SAMD11: variants seen among roughly 807,000 people sequenced by gnomAD.
The protein encoded by SAMD11 is sterile alpha motif domain-containing protein 11.
Under a neutral mutation model 64.4 loss-of-function variants are expected in SAMD11, and 77 were observed. That is an observed-to-expected ratio of 1.20 (90% CI 0.99 to 1.44). SAMD11 has a LOEUF of 1.44. Ranked by LOEUF, SAMD11 falls within the 40% of genes most tolerant of loss-of-function variation. The pLI, the probability that SAMD11 is intolerant of heterozygous loss-of-function variation, is 0.00. For synonymous variants in SAMD11, 658 were observed against 421.9 expected, an observed-to-expected ratio of 1.56 and a Z score of -6.86; for missense variants, 1,402 against 943.3, an observed-to-expected ratio of 1.49 and a Z score of -6.37.
At position 930,203 on chromosome 1, in the gene SAMD11, C is replaced by G. The variant is rs767794127; in HGVS notation, c.658C>G (p.Arg220Gly). 7 of 1,570,566 alleles carry G rather than the reference C, an allele frequency of 4.5e-6. No individual in the cohort carries two copies. Among genetic ancestry groups the G allele is most frequent in the Non-Finnish European group, 6.0e-6 (7 of 1,158,102 alleles). The stretch of plus-strand genomic sequence containing the variant: ...GAGGACAGTCGCCCTGCCTGCCGCC[C>G]GGAACCTGAAGAAGGAGCGAACTCC... Reference protein sequence around the residue: ...DKRTVALPAARNLKKERTPSF... With the variant: ...DKRTVALPAAGNLKKERTPSF... Residue 220 changes from arginine to glycine, a missense_variant, in exon 3 of 14, where the codon CGG (arginine) becomes GGG (glycine). Coordinates refer to ENST00000616016, the MANE Select transcript of SAMD11 (RefSeq NM_001385641.1).
chr1:935,884 C>T lies in SAMD11; in HGVS notation c.955C>T (p.Leu319=), dbSNP rs747420387. 1.9e-5 allele frequency: 31 copies of T among 1,612,024 alleles called. No individual in the cohort carries two copies. Among genetic ancestry groups the T allele is most frequent in the Non-Finnish European group, 2.5e-5 (30 of 1,179,484 alleles). ...EFQRGSLEIG[L]RPAGDLLGKR... ...CCAGAGAGGCAGCCTGGAGATTGGC[C>T]TGCGACCCGCCGGTGAGGAGCACAG... The change falls in exon 5 of 14, where the codon CTG becomes TTG. Residue 319 remains leucine, a synonymous_variant. Coordinates refer to ENST00000616016, the MANE Select transcript of SAMD11 (RefSeq NM_001385641.1).
chr1:931,581 C>A (rs1219689430), intron 4 of SAMD11, among the ~76,000 whole-genome samples: 1 of 152,120 alleles, frequency 6.6e-6, no homozygotes, highest in South Asian at 2.1e-4. Context: ...GAGGAGTGAA[C>A]CTGGCAGCTC....
Position 935,910 on chromosome 1 carries a change from G to C in SAMD11, c.967+14G>C, listed in dbSNP as rs755036895. 2 of 1,611,722 alleles carry C rather than the reference G, an allele frequency of 1.2e-6. No homozygotes were observed. Among genetic ancestry groups the C allele is most frequent in the South Asian group, 1.1e-5 (1 of 91,016 alleles). On this transcript the variant is annotated intron_variant, in intron 5 of 13. Transcript: ENST00000616016. ...TGCGACCCGCCGGTGAGGAGCACAGGGGGCCTGAGGGCGGGGTCGGGGCTG... is the reference window on the plus strand; with the variant it reads ...TGCGACCCGCCGGTGAGGAGCACAGCGGGCCTGAGGGCGGGGTCGGGGCTG...
Position 935,859 on chromosome 1 carries a change from C to T in SAMD11, c.930C>T (p.Phe310=), listed in dbSNP as rs147616064. Residue 310 remains phenylalanine, a synonymous_variant, in exon 5 of 14, where the codon TTC becomes TTT. Transcript: ENST00000616016. ...CCGAGCATCAGAGCCGCTGTGAATTCCAGAGAGGCAGCCTGGAGATTGGCC... is the reference window on the plus strand; with the variant it reads ...CCGAGCATCAGAGCCGCTGTGAATTTCAGAGAGGCAGCCTGGAGATTGGCC... The part of the protein sequence containing the change: ...VMPEHQSRCE[F]QRGSLEIGLR... The T allele has an allele frequency of 2.3e-4, 364 of 1,613,194 alleles. 1 individual carries two copies. In the African/African-American group the frequency reaches 4.4e-3, roughly 20 times the overall value.
At position 944,026 on chromosome 1, in the gene SAMD11, C is replaced by T. The variant is rs1641996088; in HGVS notation, c.2408C>T (p.Ser803Phe). 1 of 1,612,768 alleles carries T rather than the reference C, an allele frequency of 6.2e-7. No individual in the cohort carries two copies. Among genetic ancestry groups the T allele is most frequent in the Non-Finnish European group, 8.5e-7 (1 of 1,180,002 alleles). Reference sequence around the variant, plus strand: ...CTCGGCACAGGAGAGCAGCCCTTGTCCCCCACGACGGCCACGTCCCCCTAT... The same window carrying T: ...CTCGGCACAGGAGAGCAGCCCTTGTTCCCCACGACGGCCACGTCCCCCTAT... The part of the protein sequence containing the change: ...RELGTGEQPL[S>F]PTTATSPYGG... The change falls in exon 14 of 14, where the codon TCC becomes TTC. Residue 803 changes from serine to phenylalanine, a missense_variant. By Grantham distance (155) the Ser-to-Phe change is radical. Coordinates refer to ENST00000616016, the MANE Select transcript of SAMD11 (RefSeq NM_001385641.1).
In SAMD11 at chr1:942,262, G is replaced by A; in HGVS notation, c.1474+11G>A. 1 of 1,140,642 alleles carries A rather than the reference G, an allele frequency of 8.8e-7. No homozygotes were observed. The highest frequency in any genetic ancestry group is 1.2e-6 in the Non-Finnish European group (1 of 859,712). The allele number at this position is 1,140,642 out of a possible 1,614,324, so 70.7% of individuals were successfully genotyped here. On this transcript the variant is annotated intron_variant, in intron 9 of 13. Transcript: ENST00000616016. ...TGTGCCAGACCCCAGGTGAGGAGGCGGGTGCGCATCCCCTGGGAGCCCGCG... is the reference window on the plus strand; with the variant it reads ...TGTGCCAGACCCCAGGTGAGGAGGCAGGTGCGCATCCCCTGGGAGCCCGCG...
At chr1:943,185 CGACGGTCAGGA>C (rs1434401013) in intron 11 of SAMD11, 57 bp from the exon 12 acceptor site, 1 of 1,605,504 alleles carries the variant, frequency 6.2e-7, no homozygotes, top group Non-Finnish European at 8.5e-7. Context: ...TTGGGGCACA[CGACGGTCAGGA>C]GACGGGCGGG....
At chr1:925,838 C>CG in intron 1 of SAMD11, 84 bp from the exon 2 acceptor site, 1 of 969,030 alleles carries the variant, frequency 1.0e-6, no homozygotes, top group Non-Finnish European at 1.6e-6. Context: ...GTCCACGAGC[C>CG]GGGGAGGGGG....
intron 3 of SAMD11, 39 bp from the exon 4 acceptor site, chr1:931,000 C>T: frequency 6.2e-7 from 1 of 1,603,922 alleles, no homozygotes; most frequent in Non-Finnish European, 8.5e-7. Context: ...GGTCAGGGGC[C>T]TCCAGAGCAA....
At chr1:931,132 C>CCCTT (rs71576583) in intron 4 of SAMD11, 43 bp downstream of exon 4, 2 of 1,413,544 alleles carry the variant, frequency 1.4e-6, no homozygotes, top group Non-Finnish European at 1.9e-6. Flanking sequence ...GCCGTGACTC[C>CCCTT]CCTCCCTCCC....
chr1:942,324 C>A, intron 9 of SAMD11, 73 bp downstream of exon 9: 1 of 1,088,576 alleles, frequency 9.2e-7, no homozygotes, highest in Non-Finnish European at 1.2e-6. Flanking sequence ...CCTGTCGGAG[C>A]CGAGACGGAC....
rs898378523 is a variant in SAMD11, at chr1:944,521, C to A, written c.*368C>A. 4.8e-6 allele frequency: 3 copies of A among 628,288 alleles called. No individual in the cohort carries two copies. Among genetic ancestry groups the A allele is most frequent in the Non-Finnish European group, 5.4e-6 (2 of 373,112 alleles). The allele number at this position is 628,288 out of a possible 1,614,324, so 38.9% of individuals were successfully genotyped here. On this transcript the variant is annotated 3_prime_UTR_variant, in exon 14 of 14. Transcript: ENST00000616016. ...CAGCAGCCACACCAGCCCAGCCCAG[C>A]CCAGCTCTCGATACGTTTGGTCTTT...
intron 8 of SAMD11, 48 bp downstream of exon 8, chr1:941,354 C>T: frequency 6.9e-7 from 1 of 1,459,322 alleles, no homozygotes; most frequent in Non-Finnish European, 9.1e-7. Context: ...GTGCCGCCCG[C>T]ACCCCCGCGC....
intron 5 of SAMD11, among the ~76,000 whole-genome samples, chr1:936,532 G>A (rs896841944): frequency 1.3e-5 from 2 of 152,146 alleles, no homozygotes; most frequent in African/African-American, 4.8e-5. Flanking sequence ...GTTGTGGGGG[G>A]ACCAGGCCCC....
chr1:939,082 G>A lies in SAMD11; in HGVS notation c.1010G>A (p.Ser337Asn), dbSNP rs1641609231. ...AGGCTGGGCCGCTCCCCCCGTATCAGCAGCGACTGCTTTTCAGAGAAGAGG... is the reference window on the plus strand; with the variant it reads ...AGGCTGGGCCGCTCCCCCCGTATCAACAGCGACTGCTTTTCAGAGAAGAGG... ...GKRLGRSPRI[S>N]SDCFSEKRAR... Residue 337 changes from serine (S) to asparagine (N), a missense_variant, in exon 6 of 14, where the codon AGC becomes AAC. Ser to Asn is a conservative substitution (Grantham distance 46, BLOSUM62 1). Coordinates refer to ENST00000616016, the MANE Select transcript of SAMD11 (RefSeq NM_001385641.1). 3.7e-6 allele frequency: 6 copies of A among 1,605,970 alleles called. No homozygotes were observed. The highest frequency in any genetic ancestry group is 5.1e-6 in the Non-Finnish European group (6 of 1,176,606).
Position 942,619 on chromosome 1 carries a change from G to A in SAMD11, c.1614G>A (p.Leu538=), listed in dbSNP as rs989378477. The A allele has an allele frequency of 1.4e-6, 2 of 1,438,508 alleles. No homozygotes were observed. Among genetic ancestry groups the A allele is most frequent in the East Asian group, 3.1e-5 (1 of 32,624 alleles). 89.1% of individuals were successfully genotyped at this position (1,438,508 alleles called of 1,614,324 possible). Residue 538 remains leucine, a synonymous_variant, in exon 11 of 14, where the codon CTG becomes CTA. Transcript: ENST00000616016. ...AGCTGGAGAGCGCGCGCCCACAGCT[G>A]CTGGCGCCCGAGACCGCCCTGCGCC... ...QKELESARPQ[L]LAPETALRPN...
At position 939,492 on chromosome 1, in the gene SAMD11, A is replaced by G. The variant is rs992903795; in HGVS notation, c.1195+80A>G. ...ACCCACCCTGGCATGATCTCCCCTC[A>G]TCACCTCCCCAGCCACATGTACTCG... On this transcript the variant is annotated intron_variant, in intron 7 of 13. Coordinates refer to ENST00000616016, the MANE Select transcript of SAMD11 (RefSeq NM_001385641.1). The G allele has an allele frequency of 3.8e-6, 6 of 1,578,248 alleles. No individual in the cohort carries two copies. The Admixed American group carries it at 5.2e-5, about 14-fold the overall frequency.
At chr1:930,524 C>G (rs1557601695) in intron 3 of SAMD11, among the ~76,000 whole-genome samples, 188 bp downstream of exon 3, 1 of 152,178 alleles carries the variant, frequency 6.6e-6, no homozygotes, top group Admixed American at 6.5e-5. Context: ...TCTGGCGTCC[C>G]CTCCCACCTC....
chr1:943,642 G>A (rs1319341993), intron 12 of SAMD11, 56 bp from the exon 13 acceptor site: 3 of 1,461,512 alleles, frequency 2.1e-6, no homozygotes, highest in South Asian at 1.4e-5. Context: ...TGGCTCTGCT[G>A]GGCTGGAGGA....
Sources: gnomAD v4.1 joint callset for allele counts (sites outside exome capture counted in the v4.1 genomes callset) on GRCh38, gnomAD v4.1.1 for gene constraint, MANE v1.5 for transcripts, NCBI Gene and HGNC (gene_info 2026-07-23, HGNC 2026-07-21) for gene names.